Variants in PXDNL observed in about 807,000 individuals in gnomAD.
PXDNL encodes probable oxidoreductase PXDNL.
A neutral mutation model predicts 150.8 loss-of-function variants in PXDNL; 145 were observed. The ratio of observed to expected loss-of-function variants is 0.96; its 90% CI spans 0.84 to 1.10. PXDNL has a LOEUF of 1.10. Among genes scored for constraint, PXDNL ranks in the 50% least tolerant of loss-of-function variants. The pLI is 0.00. For synonymous variants in PXDNL, 757 were observed against 725.7 expected (o/e 1.04, Z -0.69); for missense variants, 2,087 against 1,873.9 (o/e 1.11, Z -2.10).
intron 2 of PXDNL, among the ~76,000 whole-genome samples, chr8:51,608,648 T>C (rs984259351): frequency 5.4e-5 from 8 of 148,634 alleles, no homozygotes; most frequent in Admixed American, 2.7e-4. Context: ...CCATCCTGGC[T>C]AACACGGTGA....
intron 4 of PXDNL, among the ~76,000 whole-genome samples, chr8:51,553,961 A>G (rs1812548587): frequency 1.3e-5 from 2 of 152,102 alleles, no homozygotes; most frequent in Non-Finnish European, 2.9e-5. Flanking sequence ...CACATTTAAA[A>G]GATGAATCGA....
chr8:51,697,190 G>C (rs1270397183), intron 1 of PXDNL, among the ~76,000 whole-genome samples: 1 of 151,718 alleles, frequency 6.6e-6, no homozygotes, highest in Non-Finnish European at 1.5e-5. Flanking sequence ...TGTAATTCCA[G>C]CTACTTAGGA....
intron 1 of PXDNL, among the ~76,000 whole-genome samples, chr8:51,717,382 T>C (rs1257405247): frequency 6.6e-6 from 1 of 152,220 alleles, no homozygotes; most frequent in Non-Finnish European, 1.5e-5. Flanking sequence ...CATTATCCAG[T>C]TGGCCAGCAC....
At chr8:51,430,051 A>C (rs1809213214) in intron 12 of PXDNL, among the ~76,000 whole-genome samples, 1 of 150,656 alleles carries the variant, frequency 6.6e-6, no homozygotes, top group Admixed American at 6.6e-5. Flanking sequence ...CCAGTGTCTC[A>C]CTCTTCACAT....
intron 21 of PXDNL, among the ~76,000 whole-genome samples, chr8:51,336,772 T>C (rs937831259): frequency 1.3e-5 from 2 of 152,240 alleles, no homozygotes; most frequent in African/African-American, 4.8e-5. Context: ...AGGCATTTGC[T>C]ACATGTCACT....
intron 2 of PXDNL, among the ~76,000 whole-genome samples, chr8:51,644,388 A>ATGTGTATGTATATACACATATGTG (rs1563493835): frequency 7.1e-4 from 25 of 35,446 alleles, no homozygotes; most frequent in African/African-American, 1.7e-3. Flanking sequence ...ACACACACAT[A>ATGTGTATGTATATACACATATGTG]TGTGTATATA....
intron 19 of PXDNL, among the ~76,000 whole-genome samples, chr8:51,358,705 G>A (rs961993612): frequency 6.6e-6 from 1 of 152,142 alleles, no homozygotes; most frequent in African/African-American, 2.4e-5. Flanking sequence ...AGGGATTTGG[G>A]AGCACGGTGC....
intron 4 of PXDNL, among the ~76,000 whole-genome samples, chr8:51,543,870 T>A (rs1812286382): frequency 6.6e-6 from 1 of 151,768 alleles, no homozygotes; most frequent in Non-Finnish European, 1.5e-5. Flanking sequence ...AAAAGAAAAA[T>A]TTATTGGCAA....
At chr8:51,749,340 A>G (rs1365440077) in intron 1 of PXDNL, among the ~76,000 whole-genome samples, 1 of 152,202 alleles carries the variant, frequency 6.6e-6, no homozygotes, top group South Asian at 2.1e-4. Flanking sequence ...CACACATCAT[A>G]GAGTGTCCTT....
chr8:51,719,713 AT>A (rs1816691524), intron 1 of PXDNL, among the ~76,000 whole-genome samples: 1 of 152,148 alleles, frequency 6.6e-6, no homozygotes, highest in Non-Finnish European at 1.5e-5. Context: ...TTTTAAAAAA[AT>A]ATTGAGTTTC....
At chr8:51,744,067 AAG>A (rs1563307111) in intron 1 of PXDNL, among the ~76,000 whole-genome samples, 1,170 of 72,972 alleles carry the variant, frequency 0.016, 116 homozygotes, top group African/African-American at 0.04. Context: ...GGAAGGAAGG[AAG>A]GAAGGAAGGA....
chr8:51,429,198 G>T (rs1809189082), intron 12 of PXDNL, among the ~76,000 whole-genome samples: 2 of 152,324 alleles, frequency 1.3e-5, no homozygotes, highest in Admixed American at 6.5e-5. Context: ...AGGCAAGGAT[G>T]CAGGTAAACT....
At chr8:51,500,959 A>G (rs1415002390) in intron 4 of PXDNL, among the ~76,000 whole-genome samples, 4 of 152,236 alleles carry the variant, frequency 2.6e-5, no homozygotes, top group South Asian at 2.1e-4. Context: ...CTTCCTTCTT[A>G]TAAATCATTA....
intron 8 of PXDNL, among the ~76,000 whole-genome samples, chr8:51,458,689 T>C (rs572017852): frequency 5.3e-5 from 8 of 152,336 alleles, no homozygotes; most frequent in Middle Eastern, 3.4e-3. Flanking sequence ...AGGTAAACAT[T>C]TTCCCACTAA....
At chr8:51,340,688 C>A (rs1219678) in intron 20 of PXDNL, among the ~76,000 whole-genome samples, 33,580 of 151,970 alleles carry the variant, frequency 0.22, 3,862 homozygotes, top group Middle Eastern at 0.3. Flanking sequence ...AAAAGGGAAA[C>A]AAAGAAAAAT....
intron 2 of PXDNL, among the ~76,000 whole-genome samples, chr8:51,630,314 T>C (rs1364486414): frequency 6.6e-6 from 1 of 152,020 alleles, no homozygotes; most frequent in East Asian, 1.9e-4. Context: ...AAATGTAACA[T>C]GTAAAACTAT....
rs114651814 is a variant in PXDNL at position 51,526,126 on chromosome 8, G to A, written c.381-26356C>T. Among the ~76,000 whole-genome samples, 492 of 152,280 alleles carry A rather than the reference G, an allele frequency of 3.2e-3. 2 individuals carry two copies. The highest frequency in any genetic ancestry group is 0.011 in the African/African-American group (471 of 41,536). On this transcript the variant is annotated intron_variant, in intron 4 of 22. Coordinates refer to ENST00000356297, the MANE Select transcript of PXDNL (RefSeq NM_144651.5). ...TCTGTCCTCAGAATGTTCCCAATGT[G>A]TGTGTGTCAATCACAGGAGTCCTGG...
chr8:51,769,101 C>CA (rs1223855082), intron 1 of PXDNL, among the ~76,000 whole-genome samples: 1 of 152,110 alleles, frequency 6.6e-6, no homozygotes, highest in Non-Finnish European at 1.5e-5. Flanking sequence ...GACTCCGTCT[C>CA]AAAAAAGAAT....
chr8:51,586,697 T>C (rs571308069), intron 3 of PXDNL, among the ~76,000 whole-genome samples: 1 of 152,204 alleles, frequency 6.6e-6, no homozygotes, highest in South Asian at 2.1e-4. Context: ...TCAAAGAAAC[T>C]GGAGAGAAAT....
Sources: allele counts gnomAD v4.1 joint callset (sites outside exome capture counted in the v4.1 genomes callset), GRCh38; gene constraint gnomAD v4.1.1; transcripts MANE v1.5; gene names NCBI Gene and HGNC (gene_info 2026-07-23, HGNC 2026-07-21).